The following NELL1 variants were observed in gnomAD, a reference collection of about 807,000 sequenced individuals.
NELL1 encodes the protein neural EGFL like 1, also known as protein kinase C-binding protein NELL1.
A neutral mutation model predicts 107.4 loss-of-function variants in NELL1; 76 were observed. The ratio of observed to expected loss-of-function variants is 0.71; its 90% CI spans 0.59 to 0.86. The LOEUF (loss-of-function observed/expected upper bound fraction) is 0.86. Among genes scored for constraint, NELL1 ranks in the 40% least tolerant of loss-of-function variants. The pLI, the probability that NELL1 is intolerant of heterozygous loss-of-function variation, is 0.00. For missense variants in NELL1, 1,024 were observed against 1,005.5 expected (o/e 1.02, Z -0.25); for synonymous variants, 353 against 341.2 (o/e 1.03, Z -0.38).
chr11:21,369,362 A>ATTTTTTT (rs34302489), intron 14 of NELL1, among the ~76,000 whole-genome samples: 2 of 110,410 alleles, frequency 1.8e-5, no homozygotes, highest in Admixed American at 9.9e-5. Context: ...GGTAGGTACT[A>ATTTTTTT]TTTTTTTTTT....
intron 15 of NELL1, among the ~76,000 whole-genome samples, chr11:21,442,184 G>C (rs1853302476): frequency 6.6e-6 from 1 of 152,094 alleles, no homozygotes; most frequent in Admixed American, 6.6e-5. Flanking sequence ...TCATTTCTCA[G>C]GTGTCAGTTT....
intron 12 of NELL1, among the ~76,000 whole-genome samples, chr11:21,030,622 A>ATTTTTTTTTTTTTTTTT (rs201033870): frequency 3.3e-5 from 4 of 120,124 alleles, no homozygotes; most frequent in Non-Finnish European, 5.5e-5. Context: ...ATTTTCTTGT[A>ATTTTTTTTTTTTTTTTT]TTTTTTTTTT....
intron 3 of NELL1, among the ~76,000 whole-genome samples, chr11:20,795,193 T>A (rs1857146807): frequency 1.3e-5 from 2 of 152,196 alleles, no homozygotes; most frequent in Admixed American, 6.5e-5. Context: ...AGGAGTGAAC[T>A]TCTTGGCAAA....
chr11:20,748,468 A>T (rs1340111479), intron 2 of NELL1, among the ~76,000 whole-genome samples: 2 of 152,220 alleles, frequency 1.3e-5, no homozygotes, highest in Non-Finnish European at 2.9e-5. Context: ...TTAATTGTAC[A>T]GTGGTAAAGT....
At chr11:21,197,775 G>A (rs186326593) in intron 13 of NELL1, among the ~76,000 whole-genome samples, 124 of 152,262 alleles carry the variant, frequency 8.1e-4, no homozygotes, top group Non-Finnish European at 1.4e-3. Flanking sequence ...AACAAACAGA[G>A]AGTCTTTCTA....
chr11:21,115,409 G>T (rs990575101), intron 13 of NELL1, among the ~76,000 whole-genome samples: 3 of 150,006 alleles, frequency 2.0e-5, no homozygotes, highest in Admixed American at 6.6e-5. Context: ...TGCCTAAGAG[G>T]GAACACAAAA....
intron 12 of NELL1, among the ~76,000 whole-genome samples, chr11:20,995,347 T>A (rs140127517): frequency 6.6e-6 from 1 of 152,066 alleles, no homozygotes; most frequent in Non-Finnish European, 1.5e-5. Context: ...TTTGGGAGGC[T>A]GAGGCGGGCA....
chr11:20,962,461 C>T (rs1851309459), intron 12 of NELL1, among the ~76,000 whole-genome samples: 1 of 152,172 alleles, frequency 6.6e-6, no homozygotes, highest in Non-Finnish European at 1.5e-5. Flanking sequence ...GATTACGCCA[C>T]TGGCAGACCT....
At chr11:21,061,915 C>G (rs1165074290) in intron 12 of NELL1, among the ~76,000 whole-genome samples, 2 of 152,188 alleles carry the variant, frequency 1.3e-5, no homozygotes, top group Admixed American at 1.3e-4. Context: ...GCTGAACTCT[C>G]ATTCTTCCTC....
At chr11:21,420,327 T>C (rs1438197118) in intron 15 of NELL1, among the ~76,000 whole-genome samples, 4 of 151,972 alleles carry the variant, frequency 2.6e-5, no homozygotes, top group Non-Finnish European at 5.9e-5. Flanking sequence ...TACTTTTGCT[T>C]CCTAAGTCCC....
intron 15 of NELL1, among the ~76,000 whole-genome samples, chr11:21,372,080 A>G (rs1324769382): frequency 6.6e-6 from 1 of 152,052 alleles, no homozygotes; most frequent in Non-Finnish European, 1.5e-5. Context: ...TGACATTATC[A>G]ACAAATAAAA....
chr11:21,485,066 A>C (rs906833844), intron 15 of NELL1, among the ~76,000 whole-genome samples: 2 of 152,068 alleles, frequency 1.3e-5, no homozygotes, highest in African/African-American at 4.8e-5. Flanking sequence ...GGTTTCATAT[A>C]CTTGCCATGT....
At chr11:21,456,952 A>G (rs553975234) in intron 15 of NELL1, among the ~76,000 whole-genome samples, 12 of 152,086 alleles carry the variant, frequency 7.9e-5, no homozygotes, top group African/African-American at 2.9e-4. Flanking sequence ...GAAAGCTGAG[A>G]TAAATTCTAT....
At chr11:20,911,071 G>A (rs890548771) in intron 5 of NELL1, among the ~76,000 whole-genome samples, 7 of 152,196 alleles carry the variant, frequency 4.6e-5, no homozygotes, top group African/African-American at 1.7e-4. Flanking sequence ...ATGAGGATAT[G>A]ATTAAGAGAG....
At chr11:21,531,476 A>G (rs1855988057) in intron 15 of NELL1, among the ~76,000 whole-genome samples, 1 of 152,166 alleles carries the variant, frequency 6.6e-6, no homozygotes, top group Admixed American at 6.5e-5. Context: ...TGTTGTCGAC[A>G]TTTGACTCTG....
At chr11:21,233,655 C>T (rs567586011) in intron 14 of NELL1, among the ~76,000 whole-genome samples, 4 of 152,304 alleles carry the variant, frequency 2.6e-5, no homozygotes, top group Admixed American at 2.6e-4. Flanking sequence ...GGACAAAATG[C>T]TTGCAAACAG....
Position 20,736,603 on chromosome 11 carries a change from T to C in NELL1, c.185-47077T>C, listed in dbSNP as rs1018244415. On this transcript the variant is annotated intron_variant, in intron 2 of 19. Coordinates refer to ENST00000357134, the MANE Select transcript of NELL1 (RefSeq NM_006157.5). Reference sequence around the variant, plus strand: ...TTGTCCATTGTCTAAAATACAGCATTACTTTATTTACTTCATCAAACATTC... The same window carrying C: ...TTGTCCATTGTCTAAAATACAGCATCACTTTATTTACTTCATCAAACATTC... Among the ~76,000 whole-genome samples the C allele has an allele frequency of 4.6e-5, 7 of 152,170 alleles. 1 individual carries two copies. The highest frequency in any genetic ancestry group is 8.8e-5 in the Non-Finnish European group (6 of 68,036).
chr11:21,420,710 TA>T lies in NELL1; in HGVS notation c.1645+49768del, dbSNP rs1361364932. On this transcript the variant is annotated intron_variant, in intron 15 of 19. Coordinates refer to ENST00000357134, the MANE Select transcript of NELL1 (RefSeq NM_006157.5). ...TCAGAAGACTGGAGGTTTGCTCTTA[TA>T]AAAAATTGTATTAGAGTGGGTCCAG... 2.0e-5 allele frequency among the ~76,000 whole-genome samples: 3 copies of T among 152,220 alleles called. No homozygotes were observed. The East Asian group carries it at 5.8e-4, about 29-fold the overall frequency.
At chr11:21,140,569 G>T (rs1855843431) in intron 13 of NELL1, among the ~76,000 whole-genome samples, 1 of 152,170 alleles carries the variant, frequency 6.6e-6, no homozygotes, top group Admixed American at 6.5e-5. Flanking sequence ...TTTGGTCACA[G>T]TTCTGAAAGT....
Sources: allele counts gnomAD v4.1 joint callset (sites outside exome capture counted in the v4.1 genomes callset), GRCh38; gene constraint gnomAD v4.1.1; transcripts MANE v1.5; gene names NCBI Gene and HGNC (gene_info 2026-07-23, HGNC 2026-07-21).